Variants in OAS3 observed in about 807,000 individuals in gnomAD.
OAS3 encodes the protein 2'-5'-oligoadenylate synthase 3.
A neutral mutation model predicts 113.0 loss-of-function variants in OAS3; 107 were observed. The observed-to-expected ratio is 0.95, with a 90% confidence interval of 0.81 to 1.11. The LOEUF (loss-of-function observed/expected upper bound fraction) is 1.11. Among genes scored for constraint, OAS3 ranks in the 50% most tolerant of loss-of-function variants. The probability of loss-of-function intolerance (pLI) is 0.00; values close to 1 mark genes in which losing one functional copy is unlikely to be tolerated. For missense variants in OAS3, 1,258 were observed against 1,389.1 expected (o/e 0.91, Z 1.50); for synonymous variants, 552 against 573.6 (o/e 0.96, Z 0.54).
chr12:112,972,469 G>A lies in OAS3; in HGVS notation c.*2496G>A, dbSNP rs1279483810. 6.6e-6 allele frequency: 1 copy of A among 152,196 alleles called. No homozygotes were observed. Among genetic ancestry groups the A allele is most frequent in the African/African-American group, 2.4e-5 (1 of 41,428 alleles). 9.4% of individuals were successfully genotyped at this position (152,196 alleles called of 1,614,324 possible). On this transcript the variant is annotated 3_prime_UTR_variant, in exon 16 of 16. Coordinates refer to ENST00000228928, the MANE Select transcript of OAS3 (RefSeq NM_006187.4). ...CCTGAGTTGATTGATAGGCTTAATG[G>A]TCACCCTAAAAACACCCACATATGC...
rs1312041239 is a variant in OAS3, at chr12:112,954,137, T to C, written c.1657+3162T>C. On this transcript the variant is annotated intron_variant, in intron 7 of 15. Transcript: ENST00000228928. This position sits in a 1 kb window ranked among gnomAD's most constrained non-coding sequence, Gnocchi z 4.0. ...TATGGTTTTAGGTCTAAGATGTAAGTCTTTAATCCATCTTGAATTAATTTT... is the reference window on the plus strand; with the variant it reads ...TATGGTTTTAGGTCTAAGATGTAAGCCTTTAATCCATCTTGAATTAATTTT... Among the ~76,000 whole-genome samples the C allele has an allele frequency of 6.6e-6, 1 of 152,256 alleles. No individual in the cohort carries two copies. Among genetic ancestry groups the C allele is most frequent in the South Asian group, 2.1e-4 (1 of 4,832 alleles).
chr12:112,951,062 C>T, intron 7 of OAS3, 87 bp downstream of exon 7: 1 of 1,347,930 alleles, frequency 7.4e-7, no homozygotes, highest in Non-Finnish European at 1.0e-6. Flanking sequence ...CTTTGTGATC[C>T]TAATTCTCCT....
rs537252128 is a variant in OAS3, at chr12:112,963,256, C to T, written c.2085-57C>T. 48 of 1,497,698 alleles carry T rather than the reference C, an allele frequency of 3.2e-5. No homozygotes were observed. Among genetic ancestry groups the T allele is most frequent in the African/African-American group, 4.2e-5 (3 of 71,862 alleles). 92.8% of individuals were successfully genotyped at this position (1,497,698 alleles called of 1,614,324 possible). On this transcript the variant is annotated intron_variant, in intron 9 of 15. Coordinates refer to ENST00000228928, the MANE Select transcript of OAS3 (RefSeq NM_006187.4). The surrounding 1 kb of genome is among the most constrained non-coding windows in gnomAD (Gnocchi z 4.6). ...CACGCCCCTTTTCAGCCCTTCCACC[C>T]GCCTCCTCTTTCACTGACTCCCACC...
In OAS3 at chr12:112,946,908, T is replaced by G; in HGVS notation, c.802T>G (p.Phe268Val). ...CCAACAGCATCAGCACCTGTGTGTT[T>G]TCTGGACTGTCAACTATGGCTTCGA... ...LIQQHQHLCVFWTVNYGFEDP... is the reference protein window; with the variant it reads ...LIQQHQHLCVVWTVNYGFEDP... Residue 268 changes from phenylalanine to valine, a missense_variant, in exon 4 of 16, where the codon TTC becomes GTC. By Grantham distance (50) the Phe-to-Val change is conservative (BLOSUM62 -1). Coordinates refer to ENST00000228928, the MANE Select transcript of OAS3 (RefSeq NM_006187.4). 6.2e-7 allele frequency: 1 copy of G among 1,614,036 alleles called. No homozygotes were observed. The highest frequency in any genetic ancestry group is 8.5e-7 in the Non-Finnish European group (1 of 1,179,894).
Position 112,968,055 on chromosome 12 carries a change from C to T in OAS3, c.2985C>T (p.Phe995=). Residue 995 remains phenylalanine (F), a synonymous_variant, in exon 14 of 16, where the codon TTC becomes TTT. Coordinates refer to ENST00000228928, the MANE Select transcript of OAS3 (RefSeq NM_006187.4). ...KDSQFNMAEG[F]RTVLELVTQY... ...CCCAGTTCAACATGGCTGAGGGCTT[C>T]CGCACGGTCCTGGAGCTGGTCACCC... The T allele has an allele frequency of 6.2e-7, 1 of 1,614,042 alleles. No homozygotes were observed. The highest frequency in any genetic ancestry group is 8.5e-7 in the Non-Finnish European group (1 of 1,179,896).
chr12:112,972,117 C>T lies in OAS3; in HGVS notation c.*2144C>T, dbSNP rs933551876. On this transcript the variant is annotated 3_prime_UTR_variant, in exon 16 of 16. Transcript: ENST00000228928. Reference sequence around the variant, plus strand: ...AAGCCAGTGATGCTCCTGGGAAGACCAGGTGGCAGGTCGCAGTTGGGTACC... The same window carrying T: ...AAGCCAGTGATGCTCCTGGGAAGACTAGGTGGCAGGTCGCAGTTGGGTACC... The T allele has an allele frequency of 1.3e-5, 2 of 152,262 alleles. No homozygotes were observed. The highest frequency in any genetic ancestry group is 4.8e-5 in the African/African-American group (2 of 41,466). 9.4% of individuals were successfully genotyped at this position (152,262 alleles called of 1,614,324 possible). A position where few individuals can be genotyped will look rare whatever the true frequency, so the allele number is the denominator to read the frequency against.
intron 2 of OAS3, among the ~76,000 whole-genome samples, chr12:112,943,134 C>T (rs186089226): frequency 8.0e-4 from 122 of 152,120 alleles, no homozygotes; most frequent in Admixed American, 6.9e-3. Flanking sequence ...AGGGTTTCAC[C>T]ATGTTGTCTA....
chr12:112,944,126 G>A (rs1030377689), intron 2 of OAS3, among the ~76,000 whole-genome samples: 3 of 152,208 alleles, frequency 2.0e-5, no homozygotes, highest in African/African-American at 7.2e-5. Flanking sequence ...AAGGCTCAGG[G>A]AGGAGAGAGT....
intron 12 of OAS3, 97 bp downstream of exon 12, chr12:112,966,126 C>A: frequency 2.5e-6 from 3 of 1,214,576 alleles, no homozygotes; most frequent in Non-Finnish European, 3.5e-6. Context: ...CAGGCCACAT[C>A]TGTTCGCATC....
At chr12:112,968,257 G>T (rs1210020615) in intron 14 of OAS3, 83 bp downstream of exon 14, 17 of 1,467,034 alleles carry the variant, frequency 1.2e-5, no homozygotes, top group Non-Finnish European at 1.6e-5. Flanking sequence ...GAGCAGAGAT[G>T]GGAAAACACT....
chr12:112,963,206 A>T lies in OAS3; in HGVS notation c.2085-107A>T, dbSNP rs776089349. The T allele has an allele frequency of 5.3e-6, 7 of 1,324,812 alleles. No homozygotes were observed. The highest frequency in any genetic ancestry group is 2.8e-5 in the Admixed American group (1 of 36,230). The allele number at this position is 1,324,812 out of a possible 1,614,324, so 82.1% of individuals were successfully genotyped here. On this transcript the variant is annotated intron_variant, in intron 9 of 15. Coordinates refer to ENST00000228928, the MANE Select transcript of OAS3 (RefSeq NM_006187.4). The surrounding 1 kb of genome is among the most constrained non-coding windows in gnomAD (Gnocchi z 4.6). ...CTTGGGCAAGACTGAGCCAACCCTG[A>T]GGTCCTGACACTCTTTCCAGCCCTC...
At chr12:112,965,699 T>A in intron 11 of OAS3, 45 bp from the exon 12 acceptor site, 1 of 1,564,502 alleles carries the variant, frequency 6.4e-7, no homozygotes, top group Admixed American at 1.8e-5. Context: ...ACCGACAGGC[T>A]AAGCCATGCT....
rs2043961843 is a variant in OAS3 at position 112,969,152 on chromosome 12, A to C, written c.3105-456A>C. On this transcript the variant is annotated intron_variant, in intron 14 of 15. Coordinates refer to ENST00000228928, the MANE Select transcript of OAS3 (RefSeq NM_006187.4). ...GACCACCAAAAAATATGCTCAAGGAAAATGCTTATTGGAGCATTTTGGATT... is the reference window on the plus strand; with the variant it reads ...GACCACCAAAAAATATGCTCAAGGACAATGCTTATTGGAGCATTTTGGATT... Among the ~76,000 whole-genome samples the C allele has an allele frequency of 2.0e-5, 3 of 152,230 alleles. No homozygotes were observed. The South Asian group carries it at 6.2e-4, about 32-fold the overall frequency.
chr12:112,969,994 C>T lies in OAS3; in HGVS notation c.*21C>T, dbSNP rs373346131. On this transcript the variant is annotated 3_prime_UTR_variant, in exon 16 of 16. Coordinates refer to ENST00000228928, the MANE Select transcript of OAS3 (RefSeq NM_006187.4). ...TGTGAAGTTGAGAAAATCAGCGGTC[C>T]TACTGGATGAAGAGAAGATGGACAC... The T allele has an allele frequency of 1.0e-5, 16 of 1,605,524 alleles. No homozygotes were observed. The African/African-American group carries it at 1.7e-4, about 17-fold the overall frequency.
At position 112,965,864 on chromosome 12, in the gene OAS3, G is replaced by A. The variant is rs559758659; in HGVS notation, c.2524G>A (p.Glu842Lys). Residue 842 changes from glutamate to lysine, a missense_variant, in exon 12 of 16, where the codon GAG (glutamate) becomes AAG (lysine). Glu to Lys is a moderately conservative substitution (Grantham distance 56). Coordinates refer to ENST00000228928, the MANE Select transcript of OAS3 (RefSeq NM_006187.4). ...QGNKRAEIISEIRAQLEACQQ... is the reference protein window; with the variant it reads ...QGNKRAEIISKIRAQLEACQQ... ...CAACAAGCGGGCCGAGATCATCTCCGAGATCCGAGCCCAGCTGGAGGCATG... is the reference window on the plus strand; with the variant it reads ...CAACAAGCGGGCCGAGATCATCTCCAAGATCCGAGCCCAGCTGGAGGCATG... 9.9e-6 allele frequency: 16 copies of A among 1,613,668 alleles called. 1 individual carries two copies. In the South Asian group the frequency reaches 1.1e-4, roughly 11 times the overall value.
At chr12:112,957,807 A>T (rs901849983) in intron 7 of OAS3, among the ~76,000 whole-genome samples, 2 of 151,946 alleles carry the variant, frequency 1.3e-5, no homozygotes, top group Non-Finnish European at 2.9e-5. Context: ...TCTGACAATT[A>T]TGTGTCTTGG....
At chr12:112,944,686 G>A in intron 3 of OAS3, 35 bp downstream of exon 3, 1 of 1,609,692 alleles carries the variant, frequency 6.2e-7, no homozygotes, top group East Asian at 2.2e-5. Flanking sequence ...CCAGACATGT[G>A]ACTGTTTGCT....
chr12:112,947,933 T>A lies in OAS3; in HGVS notation c.876-13T>A. The A allele has an allele frequency of 6.4e-7, 1 of 1,573,882 alleles. No homozygotes were observed. Among genetic ancestry groups the A allele is most frequent in the African/African-American group, 1.4e-5 (1 of 73,588 alleles). On this transcript the variant is annotated splice_polypyrimidine_tract_variant and intron_variant, in intron 4 of 15. Transcript: ENST00000228928. Reference sequence around the variant, plus strand: ...TTGCTAACCAGAACCTTCTTGTCTCTCTGAAATTGCAGGCCTGTGATCCTG... The same window carrying A: ...TTGCTAACCAGAACCTTCTTGTCTCACTGAAATTGCAGGCCTGTGATCCTG...
Position 112,938,636 on chromosome 12 carries a change from C to G in OAS3, c.106C>G (p.Leu36Val), listed in dbSNP as rs1179919783. ...VEKARRALGALAAALRERGGR... is the reference protein window; with the variant it reads ...VEKARRALGAVAAALRERGGR... ...GAAGGCGCGGCGCGCTCTGGGCGCC[C>G]TGGCCGCTGCCCTGAGGGAGCGCGG... is the stretch of plus-strand genomic sequence containing the variant. Residue 36 changes from leucine (L) to valine (V), a missense_variant, in exon 1 of 16, where the codon CTG becomes GTG. By Grantham distance (32) the Leu-to-Val change is conservative. Coordinates refer to ENST00000228928, the MANE Select transcript of OAS3 (RefSeq NM_006187.4). 5.6e-6 allele frequency: 9 copies of G among 1,605,528 alleles called. No individual in the cohort carries two copies. The East Asian group carries it at 6.7e-5, about 12-fold the overall frequency.
Sources: allele counts gnomAD v4.1 joint callset (sites outside exome capture counted in the v4.1 genomes callset), GRCh38; gene constraint gnomAD v4.1.1; non-coding constraint Gnocchi (gnomAD v3.1); transcripts MANE v1.5; gene names NCBI Gene and HGNC (gene_info 2026-07-23, HGNC 2026-07-21).